The following CTNNA3 variants were observed in gnomAD, a reference collection of about 807,000 sequenced individuals.
CTNNA3 encodes the protein catenin alpha-3.
In CTNNA3, 76 loss-of-function variants were observed where a neutral mutation model predicts 95.7. The observed-to-expected ratio is 0.79, with a 90% CI of 0.66 to 0.96. The LOEUF (loss-of-function observed/expected upper bound fraction) is 0.96. Ranked by LOEUF, CTNNA3 falls within the 40% of genes least tolerant of loss-of-function variation. The pLI, the probability that CTNNA3 is intolerant of heterozygous loss-of-function variation, is 0.00. For synonymous variants in CTNNA3, 431 were observed against 374.4 expected (o/e 1.15, Z -1.74); for missense variants, 1,191 against 1,089.8 (o/e 1.09, Z -1.31).
intron 10 of CTNNA3, among the ~76,000 whole-genome samples, chr10:66,528,664 C>G (rs1275046591): frequency 2.0e-5 from 3 of 152,126 alleles, no homozygotes; most frequent in Non-Finnish European, 2.9e-5. Context: ...GTTTTACAGT[C>G]ACTTCCCTAT....
At chr10:67,055,190 C>T (rs1014516325) in intron 7 of CTNNA3, among the ~76,000 whole-genome samples, 3 of 152,170 alleles carry the variant, frequency 2.0e-5, no homozygotes, top group African/African-American at 7.2e-5. Context: ...TGCATCTCAA[C>T]TTTCCACATA....
At chr10:66,984,336 G>A (rs1312504347) in intron 7 of CTNNA3, among the ~76,000 whole-genome samples, 1 of 152,178 alleles carries the variant, frequency 6.6e-6, no homozygotes, top group Non-Finnish European at 1.5e-5. Context: ...TTCTTAGTAT[G>A]TGAATACAAC....
At chr10:66,681,862 G>A (rs912465861) in intron 9 of CTNNA3, among the ~76,000 whole-genome samples, 1 of 152,114 alleles carries the variant, frequency 6.6e-6, no homozygotes, top group African/African-American at 2.4e-5. Flanking sequence ...TTCCCCTGAA[G>A]AAGGCTTTAC....
chr10:67,039,562 TA>T (rs1358162981), intron 7 of CTNNA3, among the ~76,000 whole-genome samples: 1 of 152,144 alleles, frequency 6.6e-6, no homozygotes. Context: ...TTTTTTTGTT[TA>T]AAAAATAATT....
At chr10:66,570,714 A>C (rs951941989) in intron 10 of CTNNA3, among the ~76,000 whole-genome samples, 1 of 152,176 alleles carries the variant, frequency 6.6e-6, no homozygotes, top group African/African-American at 2.4e-5. Flanking sequence ...TAAAAAATAA[A>C]GACATCCCAC....
At chr10:66,280,334 T>C in intron 13 of CTNNA3, 136 bp downstream of exon 13, 2 of 726,516 alleles carry the variant, frequency 2.8e-6, no homozygotes, top group East Asian at 2.9e-5. Flanking sequence ...TGGGGATACA[T>C]ATGAACTTCT....
chr10:67,200,642 A>G, intron 6 of CTNNA3, among the ~76,000 whole-genome samples: 1 of 152,162 alleles, frequency 6.6e-6, no homozygotes, highest in South Asian at 2.1e-4. Flanking sequence ...CCCATGCTCA[A>G]GCCATGACCT....
chr10:66,320,904 G>A (rs2092175138), intron 12 of CTNNA3, among the ~76,000 whole-genome samples: 1 of 152,142 alleles, frequency 6.6e-6, no homozygotes, highest in South Asian at 2.1e-4. Flanking sequence ...GAAATGTGTT[G>A]TTATCAACAG....
At chr10:67,187,258 G>T (rs1329577819) in intron 6 of CTNNA3, among the ~76,000 whole-genome samples, 3 of 152,052 alleles carry the variant, frequency 2.0e-5, no homozygotes, top group Non-Finnish European at 4.4e-5. Context: ...ATTTTGTGGG[G>T]TATTATCATC....
rs779052520 is a variant in CTNNA3 at position 66,927,895 on chromosome 10, C to T, written c.1048-152371G>A. 6 of 1,614,086 alleles carry T rather than the reference C, an allele frequency of 3.7e-6. No individual in the cohort carries two copies. In the East Asian group the frequency reaches 1.3e-4, roughly 36 times the overall value. Reference sequence around the variant, plus strand: ...AAATATTTGCTCCCTTGTAAACTGGCTGAAAAGTTTTAAAGGTCTAAGGGA... The same window carrying T: ...AAATATTTGCTCCCTTGTAAACTGGTTGAAAAGTTTTAAAGGTCTAAGGGA... On this transcript the variant is annotated intron_variant, in intron 7 of 17. Coordinates refer to ENST00000433211, the MANE Select transcript of CTNNA3 (RefSeq NM_013266.4). The surrounding 1 kb of genome is among the most constrained non-coding windows in gnomAD (Gnocchi z 4.7).
intron 10 of CTNNA3, among the ~76,000 whole-genome samples, chr10:66,561,765 A>G (rs1475600637): frequency 6.6e-6 from 1 of 152,042 alleles, no homozygotes; most frequent in East Asian, 1.9e-4. Context: ...CTTTTGAGAA[A>G]TCTTTAGCAT....
chr10:66,753,277 C>G (rs533018147), intron 9 of CTNNA3, among the ~76,000 whole-genome samples: 3 of 152,156 alleles, frequency 2.0e-5, no homozygotes, highest in African/African-American at 7.2e-5. Context: ...TTGGAGGATG[C>G]TTTGTATATA....
intron 13 of CTNNA3, among the ~76,000 whole-genome samples, chr10:66,239,660 T>C (rs1177078831): frequency 1.3e-5 from 2 of 152,074 alleles, no homozygotes; most frequent in African/African-American, 4.8e-5. Context: ...ATATATGTTT[T>C]ACATGGAACA....
At chr10:66,417,734 A>G (rs1000909810) in intron 11 of CTNNA3, among the ~76,000 whole-genome samples, 1 of 152,010 alleles carries the variant, frequency 6.6e-6, no homozygotes, top group Admixed American at 6.5e-5. Flanking sequence ...AAACTTGGAA[A>G]CTATATAAAT....
chr10:66,127,105 A>G (rs973086576), intron 13 of CTNNA3, among the ~76,000 whole-genome samples: 2 of 151,910 alleles, frequency 1.3e-5, no homozygotes, highest in Non-Finnish European at 1.5e-5. Flanking sequence ...CCCCGTCTCT[A>G]CCAAAAATAC....
chr10:67,572,522 A>G (rs1334089283), intron 3 of CTNNA3, among the ~76,000 whole-genome samples: 1 of 152,164 alleles, frequency 6.6e-6, no homozygotes, highest in Non-Finnish European at 1.5e-5. Context: ...GTTGTGTGCT[A>G]TATTGGATTT....
chr10:66,389,051 T>C (rs184552468), intron 11 of CTNNA3, among the ~76,000 whole-genome samples: 1 of 152,310 alleles, frequency 6.6e-6, no homozygotes, highest in East Asian at 1.9e-4. Flanking sequence ...AGGCTTGAGC[T>C]TTTATGCCTA....
chr10:66,093,448 G>C (rs991142940), intron 14 of CTNNA3, among the ~76,000 whole-genome samples: 4 of 151,908 alleles, frequency 2.6e-5, no homozygotes, highest in African/African-American at 9.7e-5. Flanking sequence ...AAAGGGAGTT[G>C]GGCTCATCTA....
chr10:67,413,072 C>A (rs1242216241), intron 5 of CTNNA3, among the ~76,000 whole-genome samples: 1 of 151,986 alleles, frequency 6.6e-6, no homozygotes, highest in Admixed American at 6.6e-5. Flanking sequence ...AAGACAAGAC[C>A]CAACCAATCT....
Sources: gnomAD v4.1 joint callset for allele counts (sites outside exome capture counted in the v4.1 genomes callset) on GRCh38, gnomAD v4.1.1 for gene constraint, Gnocchi (gnomAD v3.1) non-coding constraint, MANE v1.5 for transcripts, NCBI Gene and HGNC (gene_info 2026-07-23, HGNC 2026-07-21) for gene names.